Variants in NADK2 observed in about 807,000 individuals in gnomAD.
NADK2 encodes NAD kinase domain-containing protein 1, mitochondrial.
In NADK2, 35 loss-of-function variants were observed where a neutral mutation model predicts 62.1. The observed-to-expected ratio is 0.56, with a 90% CI of 0.43 to 0.75. The LOEUF (loss-of-function observed/expected upper bound fraction) is 0.75, where lower values mean the gene tolerates loss of function less well. NADK2 is among the 30% of genes least tolerant of loss of function. The probability of loss-of-function intolerance (pLI) is 0.00; values close to 1 mark genes in which losing one functional copy is unlikely to be tolerated. For synonymous variants in NADK2, 205 were observed against 207.9 expected (o/e 0.99, Z 0.12); for missense variants, 439 against 561.3 (o/e 0.78, Z 2.20).
intron 4 of NADK2, among the ~76,000 whole-genome samples, chr5:36,222,506 G>A (rs1747311281): frequency 6.6e-6 from 1 of 152,202 alleles, no homozygotes; most frequent in Non-Finnish European, 1.5e-5. Flanking sequence ...TGTCATGCCT[G>A]TGGACATATG....
intron 4 of NADK2, among the ~76,000 whole-genome samples, chr5:36,224,556 CAAAA>C (rs756009943): frequency 9.6e-5 from 7 of 72,734 alleles, no homozygotes; most frequent in Admixed American, 8.9e-4. Flanking sequence ...GACTCTGTCT[CAAAA>C]AAAAAAAAAA....
intron 8 of NADK2, among the ~76,000 whole-genome samples, chr5:36,203,784 A>G (rs1746534091): frequency 6.6e-6 from 1 of 152,090 alleles, no homozygotes; most frequent in Admixed American, 6.6e-5. Flanking sequence ...CCCTCCCCAG[A>G]CAGAAGCCCC....
intron 6 of NADK2, chr5:36,212,895 T>C (rs1746902436): frequency 6.6e-6 from 1 of 152,214 alleles, no homozygotes; most frequent in South Asian, 2.1e-4. Context: ...CACATCATAC[T>C]AGGGTTGCTC....
intron 1 of NADK2, among the ~76,000 whole-genome samples, chr5:36,230,456 T>C (rs1169429775): frequency 1.3e-5 from 2 of 152,224 alleles, no homozygotes; most frequent in Non-Finnish European, 2.9e-5. Flanking sequence ...ACACCTAAAA[T>C]TTCCTGGTAT....
At chr5:36,237,310 T>C (rs1010293872) in intron 1 of NADK2, among the ~76,000 whole-genome samples, 5 of 152,116 alleles carry the variant, frequency 3.3e-5, no homozygotes, top group Admixed American at 1.3e-4. Flanking sequence ...GAATGTTCTT[T>C]ATGACAATCT....
chr5:36,194,159 G>C lies in NADK2; in HGVS notation c.*985C>G, dbSNP rs1746137231. ...AAAGTCCTAACATCTTATCCTAAAA[G>C]CTATTCTGTAAATCTTGGAATATAA... is the stretch of plus-strand genomic sequence containing the variant. On this transcript the variant is annotated 3_prime_UTR_variant, in exon 12 of 12. Transcript: ENST00000381937. The C allele has an allele frequency of 6.6e-6, 1 of 151,340 alleles. No homozygotes were observed. The highest frequency in any genetic ancestry group is 1.5e-5 in the Non-Finnish European group (1 of 67,902). The allele number at this position is 151,340 out of a possible 1,614,324, so 9.4% of individuals were successfully genotyped here. A position where few individuals can be genotyped will look rare whatever the true frequency, so the allele number is the denominator to read the frequency against.
intron 5 of NADK2, among the ~76,000 whole-genome samples, chr5:36,218,599 T>A (rs1747137182): frequency 6.6e-6 from 1 of 152,202 alleles, no homozygotes; most frequent in Non-Finnish European, 1.5e-5. Context: ...GAAGATCTAA[T>A]ACAACTTCAC....
chr5:36,213,328 A>T (rs1746918676), intron 6 of NADK2, among the ~76,000 whole-genome samples: 1 of 152,146 alleles, frequency 6.6e-6, no homozygotes, highest in South Asian at 2.1e-4. Context: ...TACCAAATAC[A>T]CTAATAAAAC....
At chr5:36,233,085 A>T (rs186111652) in intron 1 of NADK2, among the ~76,000 whole-genome samples, 1 of 152,306 alleles carries the variant, frequency 6.6e-6, no homozygotes, top group Non-Finnish European at 1.5e-5. Flanking sequence ...GTCAGTAGTG[A>T]AGTCAAATAA....
intron 7 of NADK2, among the ~76,000 whole-genome samples, chr5:36,208,318 T>G (rs565579379): frequency 1.1e-3 from 172 of 152,226 alleles, no homozygotes; most frequent in African/African-American, 3.9e-3. Flanking sequence ...TTTCATAGCT[T>G]TGTTATGTCT....
intron 8 of NADK2, among the ~76,000 whole-genome samples, chr5:36,204,075 G>A (rs2112081992): frequency 6.6e-6 from 1 of 152,204 alleles, no homozygotes; most frequent in African/African-American, 2.4e-5. Flanking sequence ...ATTTATCCTT[G>A]CTAACCCTTA....
At chr5:36,195,892 G>T (rs1204883480) in intron 11 of NADK2, among the ~76,000 whole-genome samples, 1 of 152,164 alleles carries the variant, frequency 6.6e-6, no homozygotes, top group Non-Finnish European at 1.5e-5. Context: ...ATAAATGGAA[G>T]AATATAATAT....
chr5:36,236,192 T>C (rs1251421409), intron 1 of NADK2, among the ~76,000 whole-genome samples: 1 of 152,216 alleles, frequency 6.6e-6, no homozygotes, highest in Non-Finnish European at 1.5e-5. Context: ...ATAATGCTTA[T>C]ATACAGTGAA....
intron 4 of NADK2, among the ~76,000 whole-genome samples, chr5:36,224,270 C>G (rs892320500): frequency 6.6e-6 from 1 of 152,052 alleles, no homozygotes; most frequent in Non-Finnish European, 1.5e-5. Flanking sequence ...TCAGATTGAT[C>G]TAGAATTGTG....
intron 7 of NADK2, among the ~76,000 whole-genome samples, chr5:36,208,894 T>C (rs916536641): frequency 6.6e-6 from 1 of 152,150 alleles, no homozygotes; most frequent in Admixed American, 6.6e-5. Flanking sequence ...GTTCTGATGC[T>C]AGCTAATTAT....
intron 8 of NADK2, among the ~76,000 whole-genome samples, chr5:36,202,123 T>C (rs1746473254): frequency 6.6e-6 from 1 of 152,060 alleles, no homozygotes; most frequent in African/African-American, 2.4e-5. Context: ...TTATACCTGC[T>C]AACCCTGTAC....
chr5:36,235,044 G>T (rs575115439), intron 1 of NADK2, among the ~76,000 whole-genome samples: 1 of 152,038 alleles, frequency 6.6e-6, no homozygotes, highest in African/African-American at 2.4e-5. Flanking sequence ...CTCAAAAAAC[G>T]GTTTTGTGAA....
At chr5:36,228,816 G>A (rs1747595253) in intron 1 of NADK2, among the ~76,000 whole-genome samples, 1 of 150,800 alleles carries the variant, frequency 6.6e-6, no homozygotes. Flanking sequence ...GGTAGAAATG[G>A]GGTTTTACCA....
intron 1 of NADK2, among the ~76,000 whole-genome samples, chr5:36,227,837 T>A (rs1247720221): frequency 6.6e-6 from 1 of 151,686 alleles, no homozygotes; most frequent in Non-Finnish European, 1.5e-5. Context: ...GTTTTTTATT[T>A]TTTTTATGAC....
Sources: allele counts gnomAD v4.1 joint callset (sites outside exome capture counted in the v4.1 genomes callset), GRCh38; gene constraint gnomAD v4.1.1; transcripts MANE v1.5; gene names NCBI Gene and HGNC (gene_info 2026-07-23, HGNC 2026-07-21).